Variants in TRAK1 observed in about 807,000 individuals in gnomAD.
TRAK1 encodes the protein trafficking kinesin protein 1.
TRAK1 carries 33 observed loss-of-function variants against 92.1 expected under a neutral mutation model. That is an observed-to-expected ratio of 0.36 (90% CI 0.27 to 0.48). TRAK1 has a LOEUF of 0.48. Ranked by LOEUF, TRAK1 falls within the 20% of genes least tolerant of loss-of-function variation. The pLI is 0.99. For missense variants in TRAK1, 1,123 were observed against 1,257.9 expected, an observed-to-expected ratio of 0.89 and a Z score of 1.62; for synonymous variants, 521 against 517.3, an observed-to-expected ratio of 1.01 and a Z score of -0.10.
chr3:42,130,577 A>G (rs1281745935), intron 2 of TRAK1, among the ~76,000 whole-genome samples: 1 of 152,136 alleles, frequency 6.6e-6, no homozygotes, highest in East Asian at 1.9e-4. Context: ...AGGAGATAAA[A>G]ACATCTCCTG....
At chr3:42,127,266 C>A (rs79955838) in intron 2 of TRAK1, among the ~76,000 whole-genome samples, 4,402 of 151,942 alleles carry the variant, frequency 0.029, 226 homozygotes, top group African/African-American at 0.1. Context: ...ACTTACCTTT[C>A]CTTAGGAGAC....
intron 4 of TRAK1, 139 bp from the exon 5 acceptor site, chr3:42,187,906 A>T (rs73828589): frequency 0.063 from 45,385 of 722,848 alleles, 1,690 homozygotes; most frequent in Middle Eastern, 0.08. Context: ...AATAGCACAA[A>T]ATCAGTTTAA....
chr3:42,152,596 T>G (rs1700079498), intron 2 of TRAK1, among the ~76,000 whole-genome samples: 1 of 152,170 alleles, frequency 6.6e-6, no homozygotes, highest in African/African-American at 2.4e-5. Flanking sequence ...TCACGTGTGT[T>G]TGGGAAACTG....
chr3:42,066,567 A>G (rs959452049), intron 1 of TRAK1, among the ~76,000 whole-genome samples: 1 of 150,306 alleles, frequency 6.7e-6, no homozygotes, highest in African/African-American at 2.5e-5. Context: ...AGTGCCCAGC[A>G]AGGACCAGTG....
chr3:42,163,441 C>A (rs1256332206), intron 2 of TRAK1, among the ~76,000 whole-genome samples: 1 of 151,966 alleles, frequency 6.6e-6, no homozygotes, highest in Non-Finnish European at 1.5e-5. Context: ...TGGTGGCGGG[C>A]GCCTGTAGTC....
intron 2 of TRAK1, among the ~76,000 whole-genome samples, chr3:42,157,143 CTCTG>C (rs1405721556): frequency 2.7e-5 from 4 of 149,702 alleles, no homozygotes; most frequent in Admixed American, 6.7e-5. Context: ...GAGAGTGAGA[CTCTG>C]TCTGGAAAAA....
At chr3:42,048,798 A>T (rs1244941172) in intron 1 of TRAK1, among the ~76,000 whole-genome samples, 1 of 152,058 alleles carries the variant, frequency 6.6e-6, no homozygotes, top group East Asian at 1.9e-4. Context: ...TCATGAGCTC[A>T]AAGCAATCCA....
chr3:42,143,569 T>C (rs1381026024), intron 2 of TRAK1, among the ~76,000 whole-genome samples: 1 of 152,172 alleles, frequency 6.6e-6, no homozygotes, highest in Non-Finnish European at 1.5e-5. Context: ...AGGTATACAG[T>C]CAGCACTTTC....
upstream of TRAK1, chr3:42,087,320 T>A (rs368323410): frequency 9.2e-5 from 14 of 152,820 alleles, no homozygotes; most frequent in South Asian, 4.1e-4. Flanking sequence ...AGCCTGGGCA[T>A]CCCTGAGGAA....
chr3:42,042,375 T>A (rs960207011), intron 1 of TRAK1, among the ~76,000 whole-genome samples: 1 of 152,106 alleles, frequency 6.6e-6, no homozygotes, highest in Non-Finnish European at 1.5e-5. Context: ...ATTATTTTAT[T>A]ATTATTATTG....
rs571442045 is a variant in TRAK1 at position 42,190,564 on chromosome 3, A to C, written c.691-994A>C. On this transcript the variant is annotated intron_variant, in intron 6 of 15. Coordinates refer to ENST00000327628, the MANE Select transcript of TRAK1 (RefSeq NM_001042646.3). ...TGCTACCTCTTCCAGCACCTGCCCC[A>C]GGTAAATGCTCCAGCCCCGGGCGCC... Among the ~76,000 whole-genome samples, 23 of 152,238 alleles carry C rather than the reference A, an allele frequency of 1.5e-4. No individual in the cohort carries two copies. The South Asian group carries it at 4.8e-3, about 32-fold the overall frequency.
intron 1 of TRAK1, among the ~76,000 whole-genome samples, chr3:42,067,529 T>C (rs1703728464): frequency 6.6e-6 from 1 of 152,114 alleles, no homozygotes; most frequent in Admixed American, 6.6e-5. Context: ...GAAATAGAAA[T>C]GAAACTTTTC....
At chr3:42,028,211 G>A (rs192681109) in intron 1 of TRAK1, among the ~76,000 whole-genome samples, 39 of 152,348 alleles carry the variant, frequency 2.6e-4, no homozygotes, top group African/African-American at 8.9e-4. Context: ...CGTGGGCCAC[G>A]TGTTTACATG....
chr3:42,135,169 C>T (rs1697788393), intron 2 of TRAK1, among the ~76,000 whole-genome samples: 1 of 152,184 alleles, frequency 6.6e-6, no homozygotes, highest in Non-Finnish European at 1.5e-5. Context: ...CCGCCCTTAC[C>T]TTACCTACCT....
chr3:42,191,108 T>C (rs968033764), intron 6 of TRAK1, among the ~76,000 whole-genome samples: 5 of 152,218 alleles, frequency 3.3e-5, no homozygotes, highest in Admixed American at 1.3e-4. Context: ...GGACCTCATA[T>C]GTTCAGTGCC....
chr3:42,219,371 G>A (rs879243155), intron 14 of TRAK1, 123 bp from the exon 15 acceptor site: 20 of 1,575,378 alleles, frequency 1.3e-5, no homozygotes, highest in Middle Eastern at 1.7e-4. Flanking sequence ...CACCTTCCTC[G>A]CCCAGATCCA....
intron 14 of TRAK1, chr3:42,212,151 C>T: frequency 1.0e-6 from 1 of 985,436 alleles, no homozygotes. Flanking sequence ...CCAAGTAGCT[C>T]TATGCCTGCA....
chr3:42,223,145 A>G lies in TRAK1; in HGVS notation c.2270A>G (p.Gln757Arg), dbSNP rs1208507661. The G allele has an allele frequency of 2.5e-6, 4 of 1,613,846 alleles. No homozygotes were observed. Among genetic ancestry groups the G allele is most frequent in the Admixed American group, 3.3e-5 (2 of 60,014 alleles). ...RGISAAVYDP[Q>R]SWDRAGRGSL... ...ATTTCTGCTGCCGTGTACGACCCCC[A>G]GAGCTGGGACAGGGCCGGCCGGGGC... The change falls in exon 16 of 16, where the codon CAG becomes CGG. Residue 757 changes from glutamine (Q) to arginine (R), a missense_variant. Physicochemically the swap from Gln to Arg is conservative, Grantham distance 43 (BLOSUM62 1). Transcript: ENST00000327628. This position sits in a 1 kb window ranked among gnomAD's most constrained non-coding sequence, Gnocchi z 6.1.
At chr3:42,172,140 C>G (rs550185554) in intron 2 of TRAK1, among the ~76,000 whole-genome samples, 1 of 152,286 alleles carries the variant, frequency 6.6e-6, no homozygotes, top group South Asian at 2.1e-4. Context: ...TCTCCCAAAC[C>G]AAAAATCTCC....
Sources: allele counts gnomAD v4.1 joint callset (sites outside exome capture counted in the v4.1 genomes callset), GRCh38; gene constraint gnomAD v4.1.1; non-coding constraint Gnocchi (gnomAD v3.1); transcripts MANE v1.5; gene names NCBI Gene and HGNC (gene_info 2026-07-23, HGNC 2026-07-21).